The following CNTNAP2 variants were observed in gnomAD, a reference collection of about 807,000 sequenced individuals.
The protein encoded by CNTNAP2 is contactin associated protein 2.
CNTNAP2 carries 98 observed loss-of-function variants against 155.2 expected under a neutral mutation model. The observed-to-expected ratio is 0.63, with a 90% CI of 0.54 to 0.75. The LOEUF (loss-of-function observed/expected upper bound fraction) is 0.75, where lower values mean the gene tolerates loss of function less well. Among genes scored for constraint, CNTNAP2 ranks in the 30% least tolerant of loss-of-function variants. The pLI, the probability that CNTNAP2 is intolerant of heterozygous loss-of-function variation, is 0.00. For synonymous variants in CNTNAP2, 651 were observed against 631.2 expected (o/e 1.03, Z -0.47); for missense variants, 1,727 against 1,688.1 (o/e 1.02, Z -0.40).
At chr7:146,160,249 T>A (rs1798196915) in intron 1 of CNTNAP2, among the ~76,000 whole-genome samples, 1 of 152,120 alleles carries the variant, frequency 6.6e-6, no homozygotes, top group African/African-American at 2.4e-5. Context: ...AGGAAAAATC[T>A]AAAATTGACA....
chr7:146,663,811 A>G (rs1585031313), intron 1 of CNTNAP2, among the ~76,000 whole-genome samples: 1 of 152,260 alleles, frequency 6.6e-6, no homozygotes, highest in East Asian at 1.9e-4. Context: ...AGAAAATTTT[A>G]TGTTTGCTCC....
chr7:148,054,865 G>A (rs1802978217), intron 15 of CNTNAP2, among the ~76,000 whole-genome samples: 1 of 150,058 alleles, frequency 6.7e-6, no homozygotes, highest in African/African-American at 2.5e-5. Context: ...TCTCCAGTAT[G>A]TAAATTAATA....
At chr7:147,624,817 G>A (rs1249610227) in intron 12 of CNTNAP2, among the ~76,000 whole-genome samples, 1 of 152,070 alleles carries the variant, frequency 6.6e-6, no homozygotes, top group Non-Finnish European at 1.5e-5. Flanking sequence ...CATGTTTATT[G>A]CAGTACTGTT....
At chr7:146,722,799 G>A (rs1375789802) in intron 1 of CNTNAP2, among the ~76,000 whole-genome samples, 4 of 152,002 alleles carry the variant, frequency 2.6e-5, no homozygotes, top group Non-Finnish European at 5.9e-5. Flanking sequence ...GATGGATTAC[G>A]AGGTCAGGAG....
chr7:148,137,957 T>C (rs1207790901), intron 16 of CNTNAP2, among the ~76,000 whole-genome samples: 1 of 152,210 alleles, frequency 6.6e-6, no homozygotes, highest in East Asian at 1.9e-4. Flanking sequence ...TAATTTTCAT[T>C]ACAGAGATCT....
Position 148,055,074 on chromosome 7 carries a change from G to A in CNTNAP2, c.2384-63044G>A, listed in dbSNP as rs563995581. ...ATTTTTTTGTATTTTTAGTAGAGACGGGTTTTACCATGTTGGCCAGGTTGG... is the reference window on the plus strand; with the variant it reads ...ATTTTTTTGTATTTTTAGTAGAGACAGGTTTTACCATGTTGGCCAGGTTGG... On this transcript the variant is annotated intron_variant, in intron 15 of 23. Transcript: ENST00000361727. 1.1e-4 allele frequency among the ~76,000 whole-genome samples: 16 copies of A among 151,764 alleles called. No individual in the cohort carries two copies. The South Asian group carries it at 2.3e-3, about 22-fold the overall frequency.
intron 18 of CNTNAP2, among the ~76,000 whole-genome samples, chr7:148,174,410 T>G (rs958883520): frequency 8.6e-6 from 1 of 116,404 alleles, no homozygotes; most frequent in African/African-American, 2.9e-5. Flanking sequence ...GCACAGCAGT[T>G]CCTGTGACCG....
rs1248580006 is a variant in CNTNAP2, at chr7:146,824,345, CAT to C, written c.209-15363_209-15362del. Among the ~76,000 whole-genome samples, 5 of 152,150 alleles carry C rather than the reference CAT, an allele frequency of 3.3e-5. No homozygotes were observed. The East Asian group carries it at 5.8e-4, about 18-fold the overall frequency. On this transcript the variant is annotated intron_variant, in intron 2 of 23. Transcript: ENST00000361727. ...CTATCATAAATAGTGTTGTAACAAACATATGTGTGCATGTGTCTTTACAGTAG... is the reference window on the plus strand; with the variant it reads ...CTATCATAAATAGTGTTGTAACAAACATGTGTGCATGTGTCTTTACAGTAG...
At chr7:146,898,689 C>G (rs1795931146) in intron 3 of CNTNAP2, among the ~76,000 whole-genome samples, 2 of 151,886 alleles carry the variant, frequency 1.3e-5, no homozygotes, top group Non-Finnish European at 2.9e-5. Flanking sequence ...CCAAAGATGG[C>G]CTCAGTGACA....
intron 21 of CNTNAP2, among the ~76,000 whole-genome samples, chr7:148,316,328 T>G (rs937450098): frequency 7.1e-6 from 1 of 141,612 alleles, no homozygotes; most frequent in Non-Finnish European, 1.5e-5. Context: ...CCTTAGAACT[T>G]AAAGTATAAT....
Position 147,829,569 on chromosome 7 carries a change from A to G in CNTNAP2, c.2099-73996A>G, listed in dbSNP as rs546400297. On this transcript the variant is annotated intron_variant, in intron 13 of 23. Transcript: ENST00000361727. The stretch of plus-strand genomic sequence containing the variant: ...GAGACAGGCATTTTTCCGATATCAC[A>G]AATGCTTAAATGGAAGTTCTAAGTA... Among the ~76,000 whole-genome samples the G allele has an allele frequency of 7.9e-5, 12 of 152,302 alleles. No homozygotes were observed. The South Asian group carries it at 2.1e-3, about 26-fold the overall frequency.
At chr7:147,997,405 G>T (rs1801822238) in intron 15 of CNTNAP2, among the ~76,000 whole-genome samples, 1 of 151,672 alleles carries the variant, frequency 6.6e-6, no homozygotes, top group South Asian at 2.1e-4. Flanking sequence ...AAAAAATACT[G>T]AATTAGCTGG....
Position 147,395,662 on chromosome 7 carries a change from C to G in CNTNAP2, c.1552C>G (p.Gln518Glu), listed in dbSNP as rs781568509. The change falls in exon 10 of 24, where the codon CAA (glutamine) becomes GAA (glutamate). Residue 518 changes from glutamine to glutamate, a missense_variant. Gln to Glu is a conservative substitution (Grantham distance 29). Transcript: ENST00000361727. The part of the protein sequence containing the change: ...SSHSVLQPSF[Q>E]GCMQLIQVDD... ...TCACTCTGTCCTTCAGCCTTCATTC[C>G]AAGGATGCATGCAGCTCATTCAAGT... 33 of 1,612,414 alleles carry G rather than the reference C, an allele frequency of 2.0e-5. No homozygotes were observed. The highest frequency in any genetic ancestry group is 2.8e-5 in the Non-Finnish European group (33 of 1,178,848).
intron 1 of CNTNAP2, among the ~76,000 whole-genome samples, chr7:146,242,265 C>T (rs138628458): frequency 0.011 from 1,665 of 152,166 alleles, 29 homozygotes; most frequent in African/African-American, 0.037. Context: ...ACAGGCCGGG[C>T]GCCGTGGCTC....
intron 1 of CNTNAP2, among the ~76,000 whole-genome samples, chr7:146,721,740 CTA>C (rs1193435746): frequency 3.8e-4 from 47 of 123,034 alleles, no homozygotes; most frequent in East Asian, 1.1e-3. Flanking sequence ...ATTATATATT[CTA>C]TATATATATT....
At position 148,094,717 on chromosome 7, in the gene CNTNAP2, A is replaced by T. The variant is rs150561503; in HGVS notation, c.2384-23401A>T. Among the ~76,000 whole-genome samples, 11 of 152,336 alleles carry T rather than the reference A, an allele frequency of 7.2e-5. No homozygotes were observed. In the East Asian group the frequency reaches 2.1e-3, roughly 29 times the overall value. On this transcript the variant is annotated intron_variant, in intron 15 of 23. Transcript: ENST00000361727. ...TAATATGGACGGTGATATTACTAAG[A>T]TGAAGACCACAAGAGAAGCCACTCT...
At chr7:146,791,569 A>G (rs748741652) in intron 2 of CNTNAP2, among the ~76,000 whole-genome samples, 1 of 152,208 alleles carries the variant, frequency 6.6e-6, no homozygotes, top group African/African-American at 2.4e-5. Context: ...AGGGTGGAGG[A>G]AGCACACAGT....
chr7:147,532,089 G>T (rs530422356), intron 11 of CNTNAP2, among the ~76,000 whole-genome samples: 11 of 152,150 alleles, frequency 7.2e-5, no homozygotes, highest in Non-Finnish European at 1.3e-4. Context: ...TTACAGGCAT[G>T]AGCCACCATG....
chr7:147,290,706 G>C (rs1397539851), intron 8 of CNTNAP2, among the ~76,000 whole-genome samples: 1 of 137,768 alleles, frequency 7.3e-6, no homozygotes, highest in Non-Finnish European at 1.5e-5. Context: ...AAAAAAAAAA[G>C]GCACTGGATA....
Sources: allele counts gnomAD v4.1 joint callset (sites outside exome capture counted in the v4.1 genomes callset), GRCh38; gene constraint gnomAD v4.1.1; transcripts MANE v1.5; gene names NCBI Gene and HGNC (gene_info 2026-07-23, HGNC 2026-07-21).